GIT2: variants seen among roughly 807,000 people sequenced by gnomAD.
The protein encoded by GIT2 is GIT ArfGAP 2.
A neutral mutation model predicts 100.3 loss-of-function variants in GIT2; 32 were observed. That is an observed-to-expected ratio of 0.32 (90% CI 0.24 to 0.43). The LOEUF (loss-of-function observed/expected upper bound fraction) is 0.43. Ranked by LOEUF, GIT2 falls within the 20% of genes least tolerant of loss-of-function variation. GIT2 has a pLI of 1.00. For missense variants in GIT2, 737 were observed against 975.1 expected, an observed-to-expected ratio of 0.76 and a Z score of 3.25; for synonymous variants, 353 against 364.1, an observed-to-expected ratio of 0.97 and a Z score of 0.35.
chr12:109,947,410 G>C lies in GIT2; in HGVS notation c.1487C>G (p.Ser496Cys). 6.2e-7 allele frequency: 1 copy of C among 1,614,098 alleles called. No individual in the cohort carries two copies. The highest frequency in any genetic ancestry group is 8.5e-7 in the Non-Finnish European group (1 of 1,179,936). The change falls in exon 15 of 20, where the codon TCC becomes TGC. Residue 496 changes from serine (S) to cysteine (C), a missense_variant. By Grantham distance (112) the Ser-to-Cys change is moderately radical (BLOSUM62 -1). This residue lies in a region of GIT2 where 451 missense variants were observed against 543.7 expected (regional missense o/e 0.83). Transcript: ENST00000355312. The surrounding 1 kb of genome is among the most constrained non-coding windows in gnomAD (Gnocchi z 4.3). Reference sequence around the variant, plus strand: ...ACGTCTCTTTAAGGAAGAGTGGTTGGAAGTGTCTGTGTACTCAGAACCAGT... The same window carrying C: ...ACGTCTCTTTAAGGAAGAGTGGTTGCAAGTGTCTGTGTACTCAGAACCAGT... ...VQTGSEYTDT[S>C]NHSSLKRRPS...
In GIT2 at chr12:109,934,390, C is replaced by G. The variant is rs1243337416; in HGVS notation, c.2004-305G>C. ...CCCTCCTCACGTCAGTCATTTACTT[C>G]TCATGTGTTTCATCGTCCCAATTTC... is the stretch of plus-strand genomic sequence containing the variant. On this transcript the variant is annotated intron_variant, in intron 18 of 19. Transcript: ENST00000355312. This position sits in a 1 kb window ranked among gnomAD's most constrained non-coding sequence, Gnocchi z 4.5. 6.6e-6 allele frequency among the ~76,000 whole-genome samples: 1 copy of G among 152,208 alleles called. No individual in the cohort carries two copies. Among genetic ancestry groups the G allele is most frequent in the African/African-American group, 2.4e-5 (1 of 41,448 alleles).
intron 4 of GIT2, among the ~76,000 whole-genome samples, chr12:109,987,805 C>T (rs1044536431): frequency 6.6e-6 from 1 of 152,200 alleles, no homozygotes; most frequent in African/African-American, 2.4e-5. Context: ...AGTAAGTTCT[C>T]ATGCTCTGTG....
chr12:109,979,980 T>TA (rs1479747891), intron 7 of GIT2, among the ~76,000 whole-genome samples: 3 of 152,254 alleles, frequency 2.0e-5, no homozygotes, highest in Non-Finnish European at 2.9e-5. Flanking sequence ...TGCAACGACT[T>TA]AACCTATTCA....
rs575303897 is a variant in GIT2 at position 109,931,686 on chromosome 12, G to C, written c.*1292C>G. On this transcript the variant is annotated 3_prime_UTR_variant, in exon 20 of 20. Coordinates refer to ENST00000355312, the MANE Select transcript of GIT2 (RefSeq NM_057169.5). Reference sequence around the variant, plus strand: ...TCACTCATCCACATCACCGGCCCTAGGCCAGGGTCTGAACCACACACACAG... The same window carrying C: ...TCACTCATCCACATCACCGGCCCTACGCCAGGGTCTGAACCACACACACAG... 6.6e-6 allele frequency: 1 copy of C among 152,442 alleles called. No homozygotes were observed. The highest frequency in any genetic ancestry group is 1.5e-5 in the Non-Finnish European group (1 of 68,128). 9.4% of individuals were successfully genotyped at this position (152,442 alleles called of 1,614,324 possible). A position where few individuals can be genotyped will look rare whatever the true frequency, so the allele number is the denominator to read the frequency against.
rs1881224667 is a variant in GIT2, at chr12:109,962,033, T to TC, written c.817-349dup. ...TCTGCACTTAAAAGTGCTTATCAGT[T>TC]CCCCAAAGTATAAGGGAACCTATAA... is the stretch of plus-strand genomic sequence containing the variant. On this transcript the variant is annotated intron_variant, in intron 9 of 19. Coordinates refer to ENST00000355312, the MANE Select transcript of GIT2 (RefSeq NM_057169.5). This position sits in a 1 kb window ranked among gnomAD's most constrained non-coding sequence, Gnocchi z 4.3. Among the ~76,000 whole-genome samples, 1 of 152,162 alleles carries TC rather than the reference T, an allele frequency of 6.6e-6. No individual in the cohort carries two copies. The highest frequency in any genetic ancestry group is 6.5e-5 in the Admixed American group (1 of 15,270).
At chr12:109,999,478 C>T (rs910692781), upstream of GIT2, 2 of 265,032 alleles carry the variant, frequency 7.5e-6, no homozygotes, top group Admixed American at 1.1e-4. This position sits in a 1 kb window ranked among gnomAD's most constrained non-coding sequence, Gnocchi z 4.3. Context: ...CCGCGGGGCG[C>T]GGGGTGGGCG....
chr12:109,974,285 G>A (rs1268886908), intron 7 of GIT2, among the ~76,000 whole-genome samples: 8 of 152,254 alleles, frequency 5.3e-5, no homozygotes, highest in African/African-American at 1.4e-4. Context: ...TCAGCACTGT[G>A]GGAGGCTAAG....
At chr12:109,967,426 G>C (rs1882774099) in intron 8 of GIT2, 32 bp downstream of exon 8, 1 of 1,535,632 alleles carries the variant, frequency 6.5e-7, no homozygotes, top group African/African-American at 1.4e-5. Flanking sequence ...ATTAGCGATA[G>C]ACAAAACTAA....
At chr12:109,998,104 G>A (rs1510605), upstream of GIT2, 28,614 of 152,204 alleles carry the variant, frequency 0.19, 4,955 homozygotes, top group African/African-American at 0.47. Flanking sequence ...GAAGAAGAAG[G>A]AGAACGTTAA....
In GIT2 at chr12:109,962,197, A is replaced by G. The variant is rs2136410604; in HGVS notation, c.817-512T>C. ...GTGAAACCCTGCCTCTACAGAAAAT[A>G]CAAAAACTAGCTGGGCGTGGTGGTG... On this transcript the variant is annotated intron_variant, in intron 9 of 19. Coordinates refer to ENST00000355312, the MANE Select transcript of GIT2 (RefSeq NM_057169.5). The surrounding 1 kb of genome is among the most constrained non-coding windows in gnomAD (Gnocchi z 4.3). Among the ~76,000 whole-genome samples the G allele has an allele frequency of 6.6e-6, 1 of 152,174 alleles. No individual in the cohort carries two copies. Among genetic ancestry groups the G allele is most frequent in the African/African-American group, 2.4e-5 (1 of 41,522 alleles).
intron 17 of GIT2, 59 bp from the exon 18 acceptor site, chr12:109,938,627 TCTAG>T: frequency 7.8e-7 from 1 of 1,275,446 alleles, no homozygotes; most frequent in Non-Finnish European, 1.1e-6. Flanking sequence ...CCCCTCTGCT[TCTAG>T]GAGCCACTTT....
chr12:109,958,096 C>T (rs1308947761), intron 12 of GIT2, among the ~76,000 whole-genome samples: 2 of 151,476 alleles, frequency 1.3e-5, no homozygotes, highest in Non-Finnish European at 2.9e-5. Flanking sequence ...AGGTACCCAC[C>T]ACCATGCCTG....
chr12:109,952,055 GA>G (rs1434264330), intron 13 of GIT2, among the ~76,000 whole-genome samples: 5 of 152,190 alleles, frequency 3.3e-5, no homozygotes, highest in Admixed American at 6.5e-5. Context: ...CTCACTGAGT[GA>G]ACCAGGTGGC....
Position 109,947,731 on chromosome 12 carries a change from G to A in GIT2, c.1393-227C>T, listed in dbSNP as rs1876731371. 1.9e-6 allele frequency: 1 copy of A among 514,636 alleles called. No homozygotes were observed. Among genetic ancestry groups the A allele is most frequent in the Non-Finnish European group, 3.5e-6 (1 of 289,566 alleles). 31.9% of individuals were successfully genotyped at this position (514,636 alleles called of 1,614,324 possible). On this transcript the variant is annotated intron_variant, in intron 14 of 19. Coordinates refer to ENST00000355312, the MANE Select transcript of GIT2 (RefSeq NM_057169.5). This position sits in a 1 kb window ranked among gnomAD's most constrained non-coding sequence, Gnocchi z 4.3. ...AAATTAAATAGCTTCATTTCTGAAT[G>A]TGGAAAAGTTGTGGTTTGGACTTCC...
chr12:109,960,775 AT>A (rs1170694365), intron 11 of GIT2, among the ~76,000 whole-genome samples: 3 of 152,176 alleles, frequency 2.0e-5, no homozygotes, highest in Non-Finnish European at 4.4e-5. Flanking sequence ...GCATAAATCT[AT>A]TTTTATTTTA....
intron 4 of GIT2, among the ~76,000 whole-genome samples, chr12:109,987,123 C>G (rs1202593936): frequency 1.3e-5 from 2 of 152,096 alleles, no homozygotes; most frequent in Non-Finnish European, 2.9e-5. Flanking sequence ...TGGCTCCTGC[C>G]TGTAATCCCA....
intron 16 of GIT2, among the ~76,000 whole-genome samples, chr12:109,940,850 G>A (rs545569830): frequency 2.0e-5 from 3 of 151,116 alleles, no homozygotes; most frequent in Non-Finnish European, 4.4e-5. Context: ...CTGCACTCCA[G>A]CCTGGGTGAC....
intron 7 of GIT2, among the ~76,000 whole-genome samples, chr12:109,974,671 C>T (rs1452878175): frequency 6.6e-6 from 1 of 152,096 alleles, no homozygotes; most frequent in East Asian, 1.9e-4. Context: ...TAAGGTTTGT[C>T]TTATGACCCA....
Position 109,961,302 on chromosome 12 carries a change from A to G in GIT2, c.963T>C (p.Pro321=), listed in dbSNP as rs758913820. The part of the protein sequence containing the change: ...TTVVPFLPVN[P]EYSSTRNQGR... ...CCTGATTTCGTGTTGATGAGTACTC[A>G]GGATTGACCGGAAGAAAGGGGACGA... Residue 321 remains proline, a synonymous_variant, in exon 11 of 20, where the codon CCT becomes CCC. Coordinates refer to ENST00000355312, the MANE Select transcript of GIT2 (RefSeq NM_057169.5). 6.2e-7 allele frequency: 1 copy of G among 1,611,892 alleles called. No homozygotes were observed. The highest frequency in any genetic ancestry group is 8.5e-7 in the Non-Finnish European group (1 of 1,177,942).
Sources: allele counts gnomAD v4.1 joint callset (sites outside exome capture counted in the v4.1 genomes callset), GRCh38; gene constraint gnomAD v4.1.1; regional missense constraint gnomAD v4.1.1; non-coding constraint Gnocchi (gnomAD v3.1); transcripts MANE v1.5; gene names NCBI Gene and HGNC (gene_info 2026-07-23, HGNC 2026-07-21).